The following SEMA6D variants were observed in gnomAD, a reference collection of about 807,000 sequenced individuals.
SEMA6D encodes the protein semaphorin-6D.
Under a neutral mutation model 106.6 loss-of-function variants are expected in SEMA6D, and 35 were observed. The observed-to-expected ratio is 0.33, with a 90% CI of 0.25 to 0.44. The LOEUF (loss-of-function observed/expected upper bound fraction) is 0.44. Among genes scored for constraint, SEMA6D ranks in the 20% least tolerant of loss-of-function variants. The probability of loss-of-function intolerance (pLI) is 1.00; values close to 1 mark genes in which losing one functional copy is unlikely to be tolerated. For missense variants in SEMA6D, 1,185 were observed against 1,345.9 expected, an observed-to-expected ratio of 0.88 and a Z score of 1.87; for synonymous variants, 499 against 487.7, an observed-to-expected ratio of 1.02 and a Z score of -0.31.
intron 4 of SEMA6D, among the ~76,000 whole-genome samples, chr15:47,695,814 AG>A (rs1301980257): frequency 6.6e-6 from 1 of 152,170 alleles, no homozygotes; most frequent in Non-Finnish European, 1.5e-5. Flanking sequence ...TATATTCTGG[AG>A]CATGTAATGA....
chr15:47,185,079 G>A (rs1893468171), intron 1 of SEMA6D, among the ~76,000 whole-genome samples: 1 of 152,214 alleles, frequency 6.6e-6, no homozygotes, highest in Admixed American at 6.5e-5. Context: ...CGGCGAGCAG[G>A]CGTTCTCTGG....
chr15:47,209,068 A>G (rs1025305159), intron 1 of SEMA6D, among the ~76,000 whole-genome samples: 1 of 152,214 alleles, frequency 6.6e-6, no homozygotes, highest in African/African-American at 2.4e-5. Flanking sequence ...GCTAGACCCA[A>G]GGCCATTCCA....
intron 3 of SEMA6D, among the ~76,000 whole-genome samples, chr15:47,540,518 T>C (rs2045323114): frequency 6.6e-6 from 1 of 152,136 alleles, no homozygotes; most frequent in South Asian, 2.1e-4. Context: ...AATGAATATA[T>C]TGTAGTTCCT....
rs1491503640 is a variant in SEMA6D, at chr15:47,367,679, C to CGT, written c.-238-44713_-238-44712insTG. On this transcript the variant is annotated intron_variant, in intron 1 of 19. Transcript: ENST00000558014. ...CTTCCCCTAAACACGCACGCTCACA[C>CGT]GCGCGCGCGCGCGCACACACACACA... is the stretch of plus-strand genomic sequence containing the variant. 5.0e-3 allele frequency among the ~76,000 whole-genome samples: 170 copies of CGT among 33,792 alleles called. 1 individual carries two copies. Among genetic ancestry groups the CGT allele is most frequent in the African/African-American group, 0.016 (120 of 7,398 alleles). 22.2% of individuals were successfully genotyped at this position (33,792 alleles called of 152,430 possible). A position where few individuals can be genotyped will look rare whatever the true frequency, so the allele number is the denominator to read the frequency against.
chr15:47,528,188 C>G (rs1185576644), intron 3 of SEMA6D, among the ~76,000 whole-genome samples: 1 of 152,218 alleles, frequency 6.6e-6, no homozygotes, highest in Non-Finnish European at 1.5e-5. Context: ...GACAATGCTT[C>G]AGCTCCTCCA....
At chr15:47,440,830 A>C (rs1426571919) in intron 2 of SEMA6D, among the ~76,000 whole-genome samples, 1 of 152,110 alleles carries the variant, frequency 6.6e-6, no homozygotes, top group African/African-American at 2.4e-5. Context: ...AGTTTAGCAC[A>C]TAGAAAGGAA....
chr15:47,730,506 A>C (rs2080047488), intron 1 of SEMA6D: 1 of 1,290,850 alleles, frequency 7.7e-7, no homozygotes, highest in Admixed American at 1.7e-5. Context: ...TTGTCCACCA[A>C]GGTGGTGACG....
intron 3 of SEMA6D, among the ~76,000 whole-genome samples, chr15:47,579,227 C>T (rs2076213131): frequency 6.6e-6 from 1 of 151,708 alleles, no homozygotes; most frequent in Non-Finnish European, 1.5e-5. Context: ...CTGCAACCTC[C>T]ACCTCCTGGG....
At chr15:47,314,934 C>T (rs1289236256) in intron 1 of SEMA6D, among the ~76,000 whole-genome samples, 4 of 136,150 alleles carry the variant, frequency 2.9e-5, no homozygotes, top group Non-Finnish European at 1.5e-5. Context: ...GGCGCAATCT[C>T]GGCTCACTGC....
At chr15:47,723,149 A>G (rs1044393806) in intron 1 of SEMA6D, among the ~76,000 whole-genome samples, 1 of 152,200 alleles carries the variant, frequency 6.6e-6, no homozygotes, top group Non-Finnish European at 1.5e-5. Flanking sequence ...TTGCGTACTG[A>G]GTGAAATTAT....
At position 47,234,960 on chromosome 15, in the gene SEMA6D, C is replaced by T. The variant is rs941465039; in HGVS notation, c.-239+50542C>T. Among the ~76,000 whole-genome samples the T allele has an allele frequency of 2.6e-5, 4 of 152,042 alleles. No individual in the cohort carries two copies. The South Asian group carries it at 8.3e-4, about 31-fold the overall frequency. ...TAGAGATCAGATTAATTTACATTCC[C>T]ACCAGCAGTGTATAAGTGTTCCCTT... On this transcript the variant is annotated intron_variant, in intron 1 of 19. Transcript: ENST00000558014.
upstream of SEMA6D, among the ~76,000 whole-genome samples, chr15:47,715,031 A>G (rs151262189): frequency 3.3e-5 from 5 of 152,364 alleles, no homozygotes; most frequent in Non-Finnish European, 7.3e-5. Context: ...AGGGGAGCAC[A>G]GAAGAAAAGC....
At chr15:47,663,296 G>A (rs935126033) in intron 4 of SEMA6D, among the ~76,000 whole-genome samples, 1 of 152,118 alleles carries the variant, frequency 6.6e-6, no homozygotes, top group African/African-American at 2.4e-5. Context: ...TTCAGTAATG[G>A]AAAATTACTT....
intron 1 of SEMA6D, among the ~76,000 whole-genome samples, chr15:47,252,669 T>G (rs188527389): frequency 1.1e-4 from 16 of 152,308 alleles, no homozygotes; most frequent in African/African-American, 3.4e-4. Flanking sequence ...GTGTCTGACT[T>G]ATTTCACTTA....
intron 3 of SEMA6D, among the ~76,000 whole-genome samples, chr15:47,585,501 G>A (rs2143005324): frequency 6.6e-6 from 1 of 152,170 alleles, no homozygotes; most frequent in Non-Finnish European, 1.5e-5. Flanking sequence ...TATTGCCTGG[G>A]GCTTGTTGCT....
intron 2 of SEMA6D, among the ~76,000 whole-genome samples, chr15:47,416,706 C>G (rs2040979508): frequency 6.6e-6 from 1 of 152,010 alleles, no homozygotes; most frequent in South Asian, 2.1e-4. Context: ...TCCTTAGGAC[C>G]CTTCCCAGGA....
intron 1 of SEMA6D, among the ~76,000 whole-genome samples, chr15:47,300,815 C>G (rs2035990256): frequency 6.6e-6 from 1 of 152,220 alleles, no homozygotes; most frequent in Non-Finnish European, 1.5e-5. Flanking sequence ...TAGGCCAACA[C>G]AGCTGTTGTA....
At chr15:47,702,088 A>G (rs556049499) in intron 4 of SEMA6D, among the ~76,000 whole-genome samples, 18 of 152,300 alleles carry the variant, frequency 1.2e-4, no homozygotes, top group Non-Finnish European at 1.0e-4. Context: ...GCTTATAGAA[A>G]CACATTTTCC....
intron 2 of SEMA6D, among the ~76,000 whole-genome samples, chr15:47,453,559 C>A (rs945959960): frequency 6.6e-6 from 1 of 151,932 alleles, no homozygotes; most frequent in Non-Finnish European, 1.5e-5. Context: ...TAGGGTCTAT[C>A]TGTATTTCGA....
Sources: gnomAD v4.1 joint callset for allele counts (sites outside exome capture counted in the v4.1 genomes callset) on GRCh38, gnomAD v4.1.1 for gene constraint, MANE v1.5 for transcripts, NCBI Gene and HGNC (gene_info 2026-07-23, HGNC 2026-07-21) for gene names.